The following GPM6A variants were observed in gnomAD, a reference collection of about 807,000 sequenced individuals.
The protein encoded by GPM6A is neuronal membrane glycoprotein M6-a.
In GPM6A, 7 loss-of-function variants were observed where a neutral mutation model predicts 32.1. The observed-to-expected ratio is 0.22, with a 90% CI of 0.12 to 0.41. The LOEUF (loss-of-function observed/expected upper bound fraction) is 0.41, where lower values mean the gene tolerates loss of function less well. Ranked by LOEUF, GPM6A falls within the 10% of genes least tolerant of loss-of-function variation. The pLI, the probability that GPM6A is intolerant of heterozygous loss-of-function variation, is 1.00. For synonymous variants in GPM6A, 130 were observed against 123.4 expected, an observed-to-expected ratio of 1.05 and a Z score of -0.35; for missense variants, 235 against 347.2, an observed-to-expected ratio of 0.68 and a Z score of 2.57.
chr4:175,908,836 T>C (rs1385945976), intron 1 of GPM6A, among the ~76,000 whole-genome samples: 1 of 152,098 alleles, frequency 6.6e-6, no homozygotes, highest in Non-Finnish European at 1.5e-5. Flanking sequence ...AAGATTGTTT[T>C]TCTCATATTG....
intron 1 of GPM6A, among the ~76,000 whole-genome samples, chr4:175,750,331 T>C (rs1732281076): frequency 6.6e-6 from 1 of 152,146 alleles, no homozygotes; most frequent in Admixed American, 6.5e-5. Context: ...GAGTTGGGAT[T>C]ACAGGTGTGA....
In GPM6A at chr4:175,838,644, A is replaced by AT. The variant is rs569099649; in HGVS notation, c.-22-26396dup. ...AGGATATGGTGGTTTCTAGCAGTGA[A>AT]TTTTTTTTTTTTTTTTTTTTTTTTT... On this transcript the variant is annotated intron_variant, in intron 1 of 7. Transcript: ENST00000280187. Among the ~76,000 whole-genome samples the AT allele has an allele frequency of 8.1e-3, 643 of 79,788 alleles. 24 individuals are homozygous for AT. Among genetic ancestry groups the AT allele is most frequent in the East Asian group, 0.017 (56 of 3,278 alleles). The allele number at this position is 79,788 out of a possible 152,430, so 52.3% of individuals were successfully genotyped here.
chr4:175,884,115 G>A (rs1030506096), intron 1 of GPM6A, among the ~76,000 whole-genome samples: 15 of 152,064 alleles, frequency 9.9e-5, no homozygotes, highest in African/African-American at 3.4e-4. Context: ...TAAAACATAC[G>A]TCACAGGGCT....
At chr4:175,984,600 C>A (rs567707477) in intron 1 of GPM6A, among the ~76,000 whole-genome samples, 7 of 152,214 alleles carry the variant, frequency 4.6e-5, no homozygotes, top group Non-Finnish European at 7.4e-5. Context: ...CATAGAAGTG[C>A]TTTACATTTT....
chr4:175,765,755 C>T (rs906316726), intron 1 of GPM6A, among the ~76,000 whole-genome samples: 21 of 152,172 alleles, frequency 1.4e-4, no homozygotes, highest in African/African-American at 4.3e-4. Flanking sequence ...ATGATCTGAT[C>T]TCAGACTTGC....
At chr4:175,684,991 C>G (rs996237067) in intron 2 of GPM6A, among the ~76,000 whole-genome samples, 5 of 151,992 alleles carry the variant, frequency 3.3e-5, no homozygotes, top group Admixed American at 2.0e-4. Flanking sequence ...AGGTTCACGC[C>G]ATTCTCCTGT....
intron 1 of GPM6A, among the ~76,000 whole-genome samples, chr4:175,718,842 C>T (rs759635626): frequency 2.6e-5 from 4 of 151,850 alleles, no homozygotes; most frequent in Non-Finnish European, 5.9e-5. Context: ...ACATTTGAAG[C>T]CATTCTTAAA....
chr4:175,822,341 A>G (rs564437076), intron 1 of GPM6A, among the ~76,000 whole-genome samples: 22 of 152,238 alleles, frequency 1.4e-4, no homozygotes, highest in African/African-American at 4.3e-4. Flanking sequence ...TTTTCTCTAA[A>G]CATACATAAT....
At chr4:175,748,752 T>C (rs149519581) in intron 1 of GPM6A, among the ~76,000 whole-genome samples, 159 of 152,304 alleles carry the variant, frequency 1.0e-3, no homozygotes, top group African/African-American at 3.5e-3. Context: ...AGCCAGGCAT[T>C]GACTTCTCCT....
chr4:175,719,198 C>T (rs1745990327), intron 1 of GPM6A, among the ~76,000 whole-genome samples: 1 of 132,280 alleles, frequency 7.6e-6, no homozygotes, highest in South Asian at 2.4e-4. Flanking sequence ...TTGGGTATAA[C>T]ACAACTTTTT....
At chr4:175,667,879 A>T (rs1464228165) in intron 3 of GPM6A, among the ~76,000 whole-genome samples, 1 of 152,106 alleles carries the variant, frequency 6.6e-6, no homozygotes, top group African/African-American at 2.4e-5. Flanking sequence ...AAACAAACAG[A>T]TATAAACAAA....
At chr4:175,687,319 C>T (rs1744040511) in intron 2 of GPM6A, among the ~76,000 whole-genome samples, 1 of 152,106 alleles carries the variant, frequency 6.6e-6, no homozygotes, top group South Asian at 2.1e-4. Flanking sequence ...CATTGAACAG[C>T]CACTCCCCAT....
chr4:175,967,183 G>A (rs1196949198), intron 1 of GPM6A, among the ~76,000 whole-genome samples: 1 of 152,058 alleles, frequency 6.6e-6, no homozygotes, highest in Non-Finnish European at 1.5e-5. Context: ...ACATCACAAA[G>A]CCAAAGAATA....
chr4:175,942,681 T>C (rs952327056), intron 1 of GPM6A, among the ~76,000 whole-genome samples: 1 of 152,148 alleles, frequency 6.6e-6, no homozygotes, highest in Non-Finnish European at 1.5e-5. Flanking sequence ...AAAGATCAGA[T>C]GGTTGTAGAA....
chr4:175,821,441 T>C (rs1735274727), intron 1 of GPM6A, among the ~76,000 whole-genome samples: 1 of 152,020 alleles, frequency 6.6e-6, no homozygotes, highest in African/African-American at 2.4e-5. Flanking sequence ...TTAATCTTGG[T>C]TTTTGGTCAT....
At position 175,636,879 on chromosome 4, in the gene GPM6A, GA is replaced by G. The variant is rs1046197356; in HGVS notation, c.685-1823del. Among the ~76,000 whole-genome samples the G allele has an allele frequency of 2.5e-3, 344 of 140,362 alleles. 2 individuals are homozygous for G. The highest frequency in any genetic ancestry group is 8.7e-3 in the African/African-American group (333 of 38,204). The allele number at this position is 140,362 out of a possible 152,430, so 92.1% of individuals were successfully genotyped here. A position where few individuals can be genotyped will look rare whatever the true frequency, so the allele number is the denominator to read the frequency against. ...ATTATATATATTTTACATACATGAG[GA>G]AGCACCTGTTTCTGAATTGGAGTGA... is the stretch of plus-strand genomic sequence containing the variant. On this transcript the variant is annotated intron_variant, in intron 6 of 6. Coordinates refer to ENST00000393658, the MANE Select transcript of GPM6A (RefSeq NM_201591.3).
chr4:175,764,542 A>G (rs1247528239), intron 1 of GPM6A, among the ~76,000 whole-genome samples: 9 of 152,180 alleles, frequency 5.9e-5, no homozygotes, highest in Admixed American at 5.9e-4. Flanking sequence ...GAAAATAAGA[A>G]TACAAGATTT....
intron 1 of GPM6A, chr4:175,787,316 A>G: frequency 6.8e-7 from 1 of 1,470,714 alleles, no homozygotes; most frequent in East Asian, 2.5e-5. Context: ...TACTCCCACC[A>G]AAGTCACCCT....
intron 6 of GPM6A, among the ~76,000 whole-genome samples, chr4:175,637,678 T>TATATA (rs1553967814): frequency 7.5e-4 from 1 of 1,338 alleles, no homozygotes; most frequent in East Asian, 0.012. Context: ...ATATATAATA[T>TATATA]ATATATAATA....
Sources: gnomAD v4.1 joint callset for allele counts (sites outside exome capture counted in the v4.1 genomes callset) on GRCh38, gnomAD v4.1.1 for gene constraint, MANE v1.5 for transcripts, NCBI Gene and HGNC (gene_info 2026-07-23, HGNC 2026-07-21) for gene names.